Variants in C1QTNF3 observed in about 807,000 individuals in gnomAD.
C1QTNF3 encodes the protein C1q and TNF related 3.
Under a neutral mutation model 32.6 loss-of-function variants are expected in C1QTNF3, and 26 were observed. The ratio of observed to expected loss-of-function variants is 0.80; its 90% CI spans 0.58 to 1.11. C1QTNF3 has a LOEUF of 1.11. Among genes scored for constraint, C1QTNF3 ranks in the 50% least tolerant of loss-of-function variants. The pLI, the probability that C1QTNF3 is intolerant of heterozygous loss-of-function variation, is 0.00. For synonymous variants in C1QTNF3, 155 were observed against 146.0 expected (o/e 1.06, Z -0.44); for missense variants, 362 against 398.2 (o/e 0.91, Z 0.77).
At chr5:34,084,789 G>GT in the C1QTNF3 span, among the ~76,000 whole-genome samples, 257 of 68,770 alleles carry the variant, frequency 3.7e-3, 10 homozygotes, top group South Asian at 0.037. Context: ...GGTTTTTCTG[G>GT]TTTTTTTTTT....
the C1QTNF3 span, among the ~76,000 whole-genome samples, chr5:34,214,993 TATTAAA>T: frequency 6.6e-6 from 1 of 152,196 alleles, no homozygotes; most frequent in Admixed American, 6.5e-5. Flanking sequence ...TATAAATGGC[TATTAAA>T]ATTATGTTTT....
chr5:34,223,387 T>C, the C1QTNF3 span, among the ~76,000 whole-genome samples: 1 of 147,528 alleles, frequency 6.8e-6, no homozygotes. Flanking sequence ...CCATGGTATA[T>C]ATGTGCCACA....
At chr5:34,153,853 T>TAATAAA in the C1QTNF3 span, among the ~76,000 whole-genome samples, 7 of 32,734 alleles carry the variant, frequency 2.1e-4, no homozygotes, top group Middle Eastern at 0.026. Flanking sequence ...ACTTAGAGTA[T>TAATAAA]AAAAAAAAAA....
At chr5:34,077,021 C>T in the C1QTNF3 span, among the ~76,000 whole-genome samples, 1 of 151,800 alleles carries the variant, frequency 6.6e-6, no homozygotes, top group Non-Finnish European at 1.5e-5. Flanking sequence ...CTTATTTTAA[C>T]AAGCTGTTAT....
the C1QTNF3 span, among the ~76,000 whole-genome samples, chr5:34,174,750 C>CT: frequency 6.6e-5 from 10 of 151,006 alleles, no homozygotes; most frequent in East Asian, 2.0e-4. Context: ...TTTGAAGACC[C>CT]TTTTTTTTTG....
At chr5:34,064,988 A>G in the C1QTNF3 span, among the ~76,000 whole-genome samples, 1 of 151,924 alleles carries the variant, frequency 6.6e-6, no homozygotes, top group Non-Finnish European at 1.5e-5. Context: ...GTCTTGGCGA[A>G]GAATTTTTGG....
chr5:34,036,538 TG>T (rs1211135137), intron 1 of C1QTNF3, among the ~76,000 whole-genome samples: 1 of 152,218 alleles, frequency 6.6e-6, no homozygotes, highest in African/African-American at 2.4e-5. Flanking sequence ...TATAATACAT[TG>T]CTATTAACTA....
the C1QTNF3 span, among the ~76,000 whole-genome samples, chr5:34,054,323 G>A: frequency 1.3e-5 from 2 of 152,242 alleles, no homozygotes; most frequent in Admixed American, 6.5e-5. Context: ...AGGCGTGAAA[G>A]ATGAGATAAA....
the C1QTNF3 span, among the ~76,000 whole-genome samples, chr5:34,207,840 T>C: frequency 6.6e-6 from 1 of 151,608 alleles, no homozygotes; most frequent in African/African-American, 2.4e-5. Flanking sequence ...CAGGCTGGAG[T>C]GCAGTGGCGG....
At chr5:34,027,522 A>T (rs1754494257) in intron 4 of C1QTNF3, among the ~76,000 whole-genome samples, 1 of 152,074 alleles carries the variant, frequency 6.6e-6, no homozygotes, top group African/African-American at 2.4e-5. Flanking sequence ...AACATGGTAA[A>T]GCCCGTCTCT....
the C1QTNF3 span, among the ~76,000 whole-genome samples, chr5:34,078,284 C>A: frequency 6.6e-6 from 1 of 151,666 alleles, no homozygotes; most frequent in Non-Finnish European, 1.5e-5. The surrounding 1 kb of genome is among the most constrained non-coding windows in gnomAD (Gnocchi z 4.0). Context: ...ACCGGATACC[C>A]AGCAGTGATA....
At chr5:34,213,696 A>ATATATATGTG in the C1QTNF3 span, among the ~76,000 whole-genome samples, 10 of 127,062 alleles carry the variant, frequency 7.9e-5, no homozygotes, top group Admixed American at 1.7e-4. Context: ...GTGTGTGTGT[A>ATATATATGTG]TATATATATG....
the C1QTNF3 span, among the ~76,000 whole-genome samples, chr5:34,242,010 T>C: frequency 1.0e-5 from 1 of 97,682 alleles, no homozygotes; most frequent in African/African-American, 3.1e-5. Context: ...GGAAGGAAAT[T>C]TTGATAACAC....
the C1QTNF3 span, among the ~76,000 whole-genome samples, chr5:34,056,237 A>C: frequency 6.6e-6 from 1 of 151,904 alleles, no homozygotes; most frequent in African/African-American, 2.4e-5. Context: ...AGGGAAAAAA[A>C]GGGGAGTGAG....
At chr5:34,156,512 T>C in the C1QTNF3 span, among the ~76,000 whole-genome samples, 1,866 of 152,356 alleles carry the variant, frequency 0.012, 44 homozygotes, top group African/African-American at 0.043. Context: ...TCTAATACTA[T>C]GTGGTTAACT....
At chr5:34,066,613 G>A in the C1QTNF3 span, among the ~76,000 whole-genome samples, 80,168 of 150,900 alleles carry the variant, frequency 0.53, 22,955 homozygotes, top group Non-Finnish European at 0.63. Flanking sequence ...TAATGACGGC[G>A]AAATTTAAAA....
chr5:34,197,419 A>C, the C1QTNF3 span, among the ~76,000 whole-genome samples: 6 of 152,216 alleles, frequency 3.9e-5, no homozygotes, highest in Non-Finnish European at 2.9e-5. Flanking sequence ...TCCCAAAATA[A>C]ATATAAATGG....
chr5:34,232,603 T>C, the C1QTNF3 span, among the ~76,000 whole-genome samples: 1 of 151,906 alleles, frequency 6.6e-6, no homozygotes, highest in Non-Finnish European at 1.5e-5. Context: ...ACTTCCCTCC[T>C]TGTGCTCTCT....
the C1QTNF3 span, among the ~76,000 whole-genome samples, chr5:34,175,137 G>A: frequency 4.7e-5 from 7 of 149,758 alleles, no homozygotes; most frequent in Non-Finnish European, 8.8e-5. Context: ...TCCAACTCCT[G>A]TGCTCAGGCT....
Sources: gnomAD v4.1 joint callset for allele counts (sites outside exome capture counted in the v4.1 genomes callset) on GRCh38, gnomAD v4.1.1 for gene constraint, Gnocchi (gnomAD v3.1) non-coding constraint, MANE v1.5 for transcripts, NCBI Gene and HGNC (gene_info 2026-07-23, HGNC 2026-07-21) for gene names.